KRABD2: variants seen among roughly 807,000 people sequenced by gnomAD.
KRABD2 encodes the protein KRAB domain-containing protein 2.
At chr17:8,367,675 A>C in the KRABD2 span, among the ~76,000 whole-genome samples, 2 of 151,738 alleles carry the variant, frequency 1.3e-5, no homozygotes, top group African/African-American at 4.8e-5. Flanking sequence ...AAAAAAAAAA[A>C]AAAAACAAGT....
the KRABD2 span, chr17:8,370,047 T>C: frequency 4.7e-5 from 76 of 1,614,080 alleles, no homozygotes; most frequent in East Asian, 1.7e-3. Flanking sequence ...CTCTTCCTTA[T>C]GTACATAATA....
the KRABD2 span, chr17:8,370,300 T>C: frequency 6.2e-7 from 1 of 1,612,264 alleles, no homozygotes; most frequent in Non-Finnish European, 8.5e-7. Context: ...ATGTTACTTA[T>C]CTCCATTTCC....
chr17:8,360,180 T>C, the KRABD2 span, among the ~76,000 whole-genome samples: 1 of 151,846 alleles, frequency 6.6e-6, no homozygotes, highest in Admixed American at 6.6e-5. Context: ...TCAAATTACA[T>C]AGAACAATAA....
the KRABD2 span, among the ~76,000 whole-genome samples, chr17:8,361,814 C>T: frequency 1.3e-5 from 2 of 151,762 alleles, no homozygotes; most frequent in East Asian, 1.9e-4. Context: ...ATTACAGGCA[C>T]GAGCCACTGC....
the KRABD2 span, among the ~76,000 whole-genome samples, chr17:8,374,682 C>T: frequency 2.7e-5 from 4 of 147,184 alleles, no homozygotes; most frequent in African/African-American, 5.0e-5. Flanking sequence ...CGTGGGGGCT[C>T]ACACCTGTAA....
the KRABD2 span, among the ~76,000 whole-genome samples, chr17:8,373,136 T>C: frequency 9.6e-6 from 1 of 104,402 alleles, no homozygotes; most frequent in Admixed American, 8.7e-5. Context: ...GGTCTCCCTC[T>C]CCCTCTCTCC....
the KRABD2 span, chr17:8,373,587 G>A: frequency 3.9e-5 from 7 of 179,354 alleles, no homozygotes; most frequent in African/African-American, 1.4e-4. Flanking sequence ...GCCTCTGCCC[G>A]GCTGCCACCC....
the KRABD2 span, chr17:8,368,633 G>GT: frequency 7.3e-5 from 11 of 150,746 alleles, no homozygotes; most frequent in Non-Finnish European, 7.3e-5. Flanking sequence ...CCATGTGGTG[G>GT]TAATTTTTTT....
At chr17:8,367,434 G>A in the KRABD2 span, among the ~76,000 whole-genome samples, 11 of 151,962 alleles carry the variant, frequency 7.2e-5, no homozygotes, top group Non-Finnish European at 7.4e-5. Context: ...GGGAGGCGGA[G>A]GCTGCAGTGA....
chr17:8,368,934 C>T, the KRABD2 span: 4 of 915,848 alleles, frequency 4.4e-6, no homozygotes, highest in Admixed American at 1.4e-4. Context: ...CTGCGCCCGG[C>T]CAGGTTGTGG....
At chr17:8,369,034 A>G in the KRABD2 span, 1 of 1,488,260 alleles carries the variant, frequency 6.7e-7, no homozygotes, top group African/African-American at 1.4e-5. Context: ...TTGACCTGAG[A>G]GTGCAGCCTT....
the KRABD2 span, among the ~76,000 whole-genome samples, chr17:8,366,621 T>TA: frequency 3.3e-5 from 5 of 152,224 alleles, no homozygotes; most frequent in Non-Finnish European, 7.3e-5. Context: ...GGATGGCACA[T>TA]ACAGTTTCTC....
At chr17:8,375,060 G>A in the KRABD2 span, among the ~76,000 whole-genome samples, 2 of 151,052 alleles carry the variant, frequency 1.3e-5, no homozygotes, top group Non-Finnish European at 2.9e-5. Context: ...CATCCAGGCT[G>A]GAGTGCAGTG....
At chr17:8,371,508 AAG>A in the KRABD2 span, 1 of 1,605,324 alleles carries the variant, frequency 6.2e-7, no homozygotes, top group South Asian at 1.1e-5. Context: ...GGGAAGAGAC[AAG>A]AGAGGGCACC....
chr17:8,374,628 T>TAAAAAAAA, the KRABD2 span, among the ~76,000 whole-genome samples: 1 of 71,432 alleles, frequency 1.4e-5, no homozygotes, highest in Admixed American at 1.6e-4. Context: ...CAATAAATAC[T>TAAAAAAAA]AAAAAAAAAA....
At chr17:8,359,810 C>A in the KRABD2 span, 1 of 455,866 alleles carries the variant, frequency 2.2e-6, no homozygotes, top group Non-Finnish European at 4.4e-6. Flanking sequence ...CTGTGTTGAG[C>A]GAGATCCTAA....
At chr17:8,363,838 T>TC in the KRABD2 span, among the ~76,000 whole-genome samples, 235 of 73,198 alleles carry the variant, frequency 3.2e-3, 7 homozygotes, top group African/African-American at 0.01. Flanking sequence ...TACATATATA[T>TC]ATATATATAT....
chr17:8,370,500 T>C, the KRABD2 span: 1 of 721,058 alleles, frequency 1.4e-6, no homozygotes, highest in Non-Finnish European at 2.2e-6. Flanking sequence ...GATGATTATA[T>C]GGAAGAATGA....
the KRABD2 span, chr17:8,369,136 A>G: frequency 6.2e-7 from 1 of 1,609,600 alleles, no homozygotes; most frequent in African/African-American, 1.3e-5. Flanking sequence ...CCATCTGTTC[A>G]CCAGCAGAGG....
Sources: allele counts gnomAD v4.1 joint callset (sites outside exome capture counted in the v4.1 genomes callset), GRCh38; gene constraint gnomAD v4.1.1; transcripts MANE v1.5; gene names NCBI Gene and HGNC (gene_info 2026-07-23, HGNC 2026-07-21).